The following SIPA1L3 variants were observed in gnomAD, a reference collection of about 807,000 sequenced individuals.
SIPA1L3 encodes signal induced proliferation associated 1 like 3.
SIPA1L3 carries 59 observed loss-of-function variants against 150.1 expected under a neutral mutation model. The observed-to-expected ratio is 0.39, with a 90% CI of 0.32 to 0.49. The LOEUF (loss-of-function observed/expected upper bound fraction) is 0.49. SIPA1L3 is among the 20% of genes least tolerant of loss of function. SIPA1L3 has a pLI of 0.86. For missense variants in SIPA1L3, 2,211 were observed against 2,489.5 expected (o/e 0.89, Z 2.38); for synonymous variants, 1,070 against 1,077.6 (o/e 0.99, Z 0.14).
At chr19:38,062,015 C>G (rs1041819455) in intron 2 of SIPA1L3, among the ~76,000 whole-genome samples, 1 of 151,786 alleles carries the variant, frequency 6.6e-6, no homozygotes, top group Admixed American at 6.6e-5. Flanking sequence ...CTCCCCACCC[C>G]TCACCCCGAT....
chr19:38,154,005 G>A (rs145323763), intron 13 of SIPA1L3, among the ~76,000 whole-genome samples: 1 of 152,288 alleles, frequency 6.6e-6, no homozygotes, highest in East Asian at 1.9e-4. Context: ...GACACACCCA[G>A]GCAGGAAATA....
At chr19:38,094,680 C>T (rs1204639683) in intron 4 of SIPA1L3, among the ~76,000 whole-genome samples, 1 of 152,150 alleles carries the variant, frequency 6.6e-6, no homozygotes, top group Non-Finnish European at 1.5e-5. Flanking sequence ...CACCTGTAAT[C>T]CCAGCACTTT....
chr19:38,098,977 C>CCTTCT (rs1970439008), intron 4 of SIPA1L3, among the ~76,000 whole-genome samples: 1 of 151,762 alleles, frequency 6.6e-6, no homozygotes, highest in South Asian at 2.1e-4. Context: ...TTTTCTTTTC[C>CCTTCT]CTTCTCTTCT....
chr19:38,076,266 A>G (rs1969835981), intron 2 of SIPA1L3, among the ~76,000 whole-genome samples: 1 of 152,192 alleles, frequency 6.6e-6, no homozygotes. Flanking sequence ...TGCTACCATA[A>G]AATATACACA....
intron 18 of SIPA1L3, among the ~76,000 whole-genome samples, chr19:38,194,953 A>T (rs1972888598): frequency 6.6e-6 from 1 of 152,004 alleles, no homozygotes; most frequent in African/African-American, 2.4e-5. Context: ...CAGGAGGCTG[A>T]GGCAGGAGAA....
intron 1 of SIPA1L3, among the ~76,000 whole-genome samples, chr19:37,927,296 A>G (rs892752437): frequency 4.6e-5 from 7 of 151,824 alleles, no homozygotes; most frequent in African/African-American, 1.7e-4. Flanking sequence ...AGGTGCCTCC[A>G]CCAACCATGC....
intron 1 of SIPA1L3, among the ~76,000 whole-genome samples, chr19:38,014,458 C>T (rs1055629403): frequency 4.0e-5 from 6 of 151,156 alleles, no homozygotes; most frequent in African/African-American, 1.5e-4. Context: ...GTTCTGGGGG[C>T]AGAAAGCACA....
intron 10 of SIPA1L3, among the ~76,000 whole-genome samples, chr19:38,139,103 C>T (rs34646932): frequency 0.41 from 59,774 of 147,100 alleles, 12,186 homozygotes; most frequent in East Asian, 0.64. Context: ...GGCTAAGGCG[C>T]GAGAATCGCT....
At chr19:38,119,256 G>C (rs748300699) in intron 8 of SIPA1L3, 50 bp from the exon 9 acceptor site, 12 of 1,478,556 alleles carry the variant, frequency 8.1e-6, no homozygotes, top group Non-Finnish European at 1.0e-5. Flanking sequence ...TCTCTCTGAA[G>C]TGTCTTAGTG....
At position 37,939,073 on chromosome 19, in the gene SIPA1L3, C is replaced by G. The variant is rs538805994; in HGVS notation, c.-379+31715C>G. Among the ~76,000 whole-genome samples the G allele has an allele frequency of 9.2e-5, 14 of 152,266 alleles. No individual in the cohort carries two copies. In the South Asian group the frequency reaches 1.7e-3, roughly 18 times the overall value. ...TTTTCTTTCCCCTGCTATTCTCCCCCCAATTCCATGATACCTTTTTGTGTA... is the reference window on the plus strand; with the variant it reads ...TTTTCTTTCCCCTGCTATTCTCCCCGCAATTCCATGATACCTTTTTGTGTA... On this transcript the variant is annotated intron_variant, in intron 1 of 21. Transcript: ENST00000222345.
chr19:38,036,940 G>C (rs1357779161), intron 2 of SIPA1L3, among the ~76,000 whole-genome samples: 1 of 152,146 alleles, frequency 6.6e-6, no homozygotes, highest in African/African-American at 2.4e-5. Context: ...GAAGCCACGT[G>C]TTCACTTCCA....
rs1310767968 is a variant in SIPA1L3, at chr19:38,077,671, T to C, written c.-310-3585T>C. The stretch of plus-strand genomic sequence containing the variant: ...TTTCTTTTTCTTTTTCTTTTTTTTT[T>C]TTTTTTTTTTTTTTTTTGAGATGGA... On this transcript the variant is annotated intron_variant, in intron 2 of 21. Coordinates refer to ENST00000222345, the MANE Select transcript of SIPA1L3 (RefSeq NM_015073.3). 6.7e-4 allele frequency among the ~76,000 whole-genome samples: 75 copies of C among 112,478 alleles called. 1 individual carries two copies. The highest frequency in any genetic ancestry group is 1.0e-3 in the African/African-American group (28 of 28,064). 73.8% of individuals were successfully genotyped at this position (112,478 alleles called of 152,430 possible). A position where few individuals can be genotyped will look rare whatever the true frequency, so the allele number is the denominator to read the frequency against.
At chr19:38,010,918 A>G (rs1201394655) in intron 1 of SIPA1L3, among the ~76,000 whole-genome samples, 1 of 152,224 alleles carries the variant, frequency 6.6e-6, no homozygotes, top group Non-Finnish European at 1.5e-5. Flanking sequence ...AACCCAGGGT[A>G]CAACTCATGG....
intron 1 of SIPA1L3, among the ~76,000 whole-genome samples, chr19:38,024,257 A>G (rs769234155): frequency 3.3e-5 from 5 of 152,202 alleles, no homozygotes; most frequent in Admixed American, 6.5e-5. Context: ...ATAGGGTTTC[A>G]TGAGGGTTGA....
At chr19:37,951,705 T>A (rs2046765548) in intron 1 of SIPA1L3, among the ~76,000 whole-genome samples, 1 of 151,836 alleles carries the variant, frequency 6.6e-6, no homozygotes. Flanking sequence ...GAGACTATCC[T>A]GGCCAACACA....
intron 1 of SIPA1L3, among the ~76,000 whole-genome samples, chr19:38,017,693 T>G (rs1229070940): frequency 1.3e-5 from 2 of 152,084 alleles, no homozygotes; most frequent in Non-Finnish European, 2.9e-5. Flanking sequence ...CTGGCTGATT[T>G]TTTTTATTTT....
rs28540039 is a variant in SIPA1L3 at position 37,995,059 on chromosome 19, G to A, written c.-378-34030G>A. On this transcript the variant is annotated intron_variant, in intron 1 of 21. Coordinates refer to ENST00000222345, the MANE Select transcript of SIPA1L3 (RefSeq NM_015073.3). ...TCCTCAGACACGGCATCCTGAGCTA[G>A]GAGGAGAGGAGTAGGGGAAAGGTTT... Among the ~76,000 whole-genome samples the A allele has an allele frequency of 9.7e-3, 1,474 of 152,308 alleles. 21 individuals carry two copies. Among genetic ancestry groups the A allele is most frequent in the African/African-American group, 0.033 (1,367 of 41,544 alleles).
intron 1 of SIPA1L3, among the ~76,000 whole-genome samples, chr19:37,956,162 A>C (rs929323129): frequency 2.0e-5 from 3 of 152,158 alleles, no homozygotes; most frequent in Non-Finnish European, 4.4e-5. Context: ...GCTGGGGTCC[A>C]GTATTTCTTT....
At chr19:38,041,051 C>T (rs1263970751) in intron 2 of SIPA1L3, among the ~76,000 whole-genome samples, 2 of 151,980 alleles carry the variant, frequency 1.3e-5, no homozygotes, top group Non-Finnish European at 2.9e-5. Flanking sequence ...GCGTGAGCCA[C>T]CGTGTCCGGC....
Sources: allele counts gnomAD v4.1 joint callset (sites outside exome capture counted in the v4.1 genomes callset), GRCh38; gene constraint gnomAD v4.1.1; transcripts MANE v1.5; gene names NCBI Gene and HGNC (gene_info 2026-07-23, HGNC 2026-07-21).